The following RORA variants were observed in gnomAD, a reference collection of about 807,000 sequenced individuals.
The protein encoded by RORA is nuclear receptor ROR-alpha.
A neutral mutation model predicts 69.5 loss-of-function variants in RORA; 7 were observed. That is an observed-to-expected ratio of 0.10 (90% confidence interval 0.06 to 0.19). RORA has a LOEUF of 0.19. RORA is among the 10% of genes least tolerant of loss of function. RORA has a pLI of 1.00. For missense variants in RORA, 457 were observed against 663.0 expected (o/e 0.69, Z 3.41); for synonymous variants, 261 against 240.8 (o/e 1.08, Z -0.78).
intron 1 of RORA, among the ~76,000 whole-genome samples, chr15:60,862,575 T>C (rs1220193226): frequency 6.6e-6 from 1 of 152,168 alleles, no homozygotes; most frequent in Non-Finnish European, 1.5e-5. Flanking sequence ...CATCCGCTCC[T>C]ACCAAAGGAT....
intron 2 of RORA, chr15:60,650,635 A>G (rs1161736373): frequency 1.3e-5 from 2 of 152,224 alleles, no homozygotes; most frequent in Non-Finnish European, 2.9e-5. Flanking sequence ...GGATGAAACC[A>G]GGAGAAGAGA....
At chr15:60,588,222 C>CT (rs370640594) in intron 2 of RORA, among the ~76,000 whole-genome samples, 27 of 152,254 alleles carry the variant, frequency 1.8e-4, no homozygotes, top group African/African-American at 6.5e-4. Flanking sequence ...GCTGCTGACT[C>CT]TGAGTGTCTA....
chr15:60,943,940 AG>A (rs1566919149), intron 1 of RORA, among the ~76,000 whole-genome samples: 7 of 142,486 alleles, frequency 4.9e-5, no homozygotes, highest in Non-Finnish European at 1.1e-4. Flanking sequence ...AAAAAAAAAA[AG>A]TGAGTAATGG....
At chr15:60,903,627 G>A (rs1157444511) in intron 1 of RORA, among the ~76,000 whole-genome samples, 4 of 152,154 alleles carry the variant, frequency 2.6e-5, no homozygotes, top group Non-Finnish European at 4.4e-5. Context: ...AGTATGCAAT[G>A]CAAAGTGGCA....
At chr15:60,906,408 T>C (rs1450175023) in intron 1 of RORA, among the ~76,000 whole-genome samples, 3 of 152,214 alleles carry the variant, frequency 2.0e-5, no homozygotes, top group Non-Finnish European at 4.4e-5. Flanking sequence ...CATGTACCAT[T>C]AAAGTACCAT....
chr15:60,558,254 C>G, intron 2 of RORA: 2 of 1,612,302 alleles, frequency 1.2e-6, no homozygotes, highest in African/African-American at 1.3e-5. Flanking sequence ...AAAGCATCAC[C>G]TGAAGACAGG....
chr15:60,807,956 C>A (rs2072682327), intron 1 of RORA, among the ~76,000 whole-genome samples: 1 of 152,154 alleles, frequency 6.6e-6, no homozygotes, highest in African/African-American at 2.4e-5. Flanking sequence ...AATCTAAGAC[C>A]TGAAACCTAA....
rs189661853 is a variant in RORA, at chr15:60,906,639, A to C, written c.167-227953T>G. Among the ~76,000 whole-genome samples, 134 of 152,294 alleles carry C rather than the reference A, an allele frequency of 8.8e-4. 4 individuals are homozygous for C. Among genetic ancestry groups the C allele is most frequent in the African/African-American group, 3.1e-3 (130 of 41,556 alleles). ...AAATAGCCAGACTGTATCAGAGGCA[A>C]ACAAGTGATTTAAGGAATTTTAGGA... On this transcript the variant is annotated intron_variant, in intron 1 of 10. Transcript: ENST00000335670.
rs191893498 is a variant in RORA at position 60,791,569 on chromosome 15, G to T, written c.167-112883C>A. Among the ~76,000 whole-genome samples the T allele has an allele frequency of 1.5e-3, 226 of 152,294 alleles. 1 individual carries two copies. Among genetic ancestry groups the T allele is most frequent in the African/African-American group, 5.2e-3 (216 of 41,566 alleles). On this transcript the variant is annotated intron_variant, in intron 1 of 10. Coordinates refer to ENST00000335670, the MANE Select transcript of RORA (RefSeq NM_134261.3). ...ACTGTCAGAGAAATAAGTCAGAAAA[G>T]GAACAAGAACATAAGGGGAGAAATT...
chr15:61,135,795 C>G (rs2079234567), intron 1 of RORA, among the ~76,000 whole-genome samples: 1 of 152,186 alleles, frequency 6.6e-6, no homozygotes, highest in South Asian at 2.1e-4. Context: ...GCATCACTGA[C>G]AGCCAAACCA....
intron 4 of RORA, among the ~76,000 whole-genome samples, chr15:60,512,748 T>C (rs2065743416): frequency 6.6e-6 from 1 of 152,252 alleles, no homozygotes; most frequent in Admixed American, 6.5e-5. Flanking sequence ...CTTTGGGATG[T>C]GTCCCCATAT....
chr15:60,710,179 A>T (rs1381630689), intron 1 of RORA, among the ~76,000 whole-genome samples: 1 of 152,162 alleles, frequency 6.6e-6, no homozygotes, highest in Middle Eastern at 3.2e-3. Flanking sequence ...TTGGGAAGAC[A>T]GGTTTCTCCT....
chr15:60,891,944 T>G (rs67288758), intron 1 of RORA, among the ~76,000 whole-genome samples: 9,830 of 152,244 alleles, frequency 0.065, 374 homozygotes, highest in African/African-American at 0.097. Flanking sequence ...GCTCTGATGA[T>G]ATCCTGCCAA....
intron 3 of RORA, among the ~76,000 whole-genome samples, chr15:60,523,680 A>C (rs1454495840): frequency 9.1e-4 from 138 of 152,198 alleles, no homozygotes; most frequent in Admixed American, 9.0e-3. Context: ...TCTGGAACAG[A>C]ATATATATAT....
chr15:60,611,081 T>C (rs2069073745), intron 2 of RORA, among the ~76,000 whole-genome samples: 1 of 152,222 alleles, frequency 6.6e-6, no homozygotes, highest in African/African-American at 2.4e-5. Context: ...GAACGTATTC[T>C]AAGTAGGGAC....
intron 1 of RORA, among the ~76,000 whole-genome samples, chr15:61,161,427 C>A (rs959953886): frequency 2.0e-5 from 3 of 152,152 alleles, no homozygotes; most frequent in African/African-American, 7.2e-5. Flanking sequence ...TGGGCAAGTG[C>A]TGAACCTCTC....
chr15:61,076,107 G>T (rs1368538442), intron 1 of RORA, among the ~76,000 whole-genome samples: 1 of 152,188 alleles, frequency 6.6e-6, no homozygotes, highest in African/African-American at 2.4e-5. Flanking sequence ...AGGGGTTCAA[G>T]GACCTGCAGG....
chr15:61,181,946 T>C (rs1168237763), intron 1 of RORA, among the ~76,000 whole-genome samples: 1 of 152,202 alleles, frequency 6.6e-6, no homozygotes, highest in Non-Finnish European at 1.5e-5. Flanking sequence ...CTTACAGCCA[T>C]CCACTATAAT....
At chr15:61,011,269 A>C (rs1195431676) in intron 1 of RORA, among the ~76,000 whole-genome samples, 3 of 152,076 alleles carry the variant, frequency 2.0e-5, no homozygotes, top group Non-Finnish European at 1.5e-5. Flanking sequence ...GAGATCCATT[A>C]TCTCATCACT....
Sources: gnomAD v4.1 joint callset for allele counts (sites outside exome capture counted in the v4.1 genomes callset) on GRCh38, gnomAD v4.1.1 for gene constraint, MANE v1.5 for transcripts, NCBI Gene and HGNC (gene_info 2026-07-23, HGNC 2026-07-21) for gene names.